The following PRTG variants were observed in gnomAD, a reference collection of about 807,000 sequenced individuals.
PRTG encodes the protein immunoglobulin superfamily, DCC subclass, member 5.
A neutral mutation model predicts 122.5 loss-of-function variants in PRTG; 67 were observed. That is an observed-to-expected ratio of 0.55 (90% CI 0.45 to 0.67). The LOEUF (loss-of-function observed/expected upper bound fraction) is 0.67, where lower values mean the gene tolerates loss of function less well. Among genes scored for constraint, PRTG ranks in the 30% least tolerant of loss-of-function variants. The probability of loss-of-function intolerance (pLI) is 0.00; values close to 1 mark genes in which losing one functional copy is unlikely to be tolerated. For synonymous variants in PRTG, 554 were observed against 501.1 expected (o/e 1.11, Z -1.41); for missense variants, 1,435 against 1,415.4 (o/e 1.01, Z -0.22).
rs1348403009 is a variant in PRTG at position 55,617,550 on chromosome 15, AT to A, written c.*2461del. On this transcript the variant is annotated 3_prime_UTR_variant, in exon 20 of 20. Transcript: ENST00000389286. ...ATCAAAATTTTATTTTCTACTGAAA[AT>A]TCTTTGGTAACAGAATTATTATGAA... 6.6e-6 allele frequency: 1 copy of A among 152,120 alleles called. No homozygotes were observed. The highest frequency in any genetic ancestry group is 2.4e-5 in the African/African-American group (1 of 41,452). 9.4% of individuals were successfully genotyped at this position (152,120 alleles called of 1,614,324 possible).
intron 11 of PRTG, among the ~76,000 whole-genome samples, chr15:55,651,426 T>G (rs889197082): frequency 1.3e-5 from 2 of 152,148 alleles, no homozygotes. Context: ...TGCTTTACTC[T>G]TACACTTCAA....
intron 16 of PRTG, 21 bp from the exon 17 acceptor site, chr15:55,627,149 A>C: frequency 6.5e-7 from 1 of 1,526,962 alleles, no homozygotes; most frequent in Non-Finnish European, 8.9e-7. Context: ...AAACACATTT[A>C]CTCAGAATCA....
At chr15:55,669,209 G>C (rs533304318) in intron 11 of PRTG, among the ~76,000 whole-genome samples, 4 of 151,916 alleles carry the variant, frequency 2.6e-5, no homozygotes, top group Non-Finnish European at 5.9e-5. Flanking sequence ...AAGGGGATTA[G>C]TATGAAAATG....
rs1275344241 is a variant in PRTG, at chr15:55,686,830, A to G, written c.398-2899T>C. On this transcript the variant is annotated intron_variant, in intron 2 of 19. Coordinates refer to ENST00000389286, the MANE Select transcript of PRTG (RefSeq NM_173814.6). ...ATGTGAACATTTCCTTCTCTTGCTA[A>G]TAACATTGGTCCCTTTGTCCACCTG... 3.3e-5 allele frequency among the ~76,000 whole-genome samples: 5 copies of G among 152,204 alleles called. No individual in the cohort carries two copies. In the East Asian group the frequency reaches 5.8e-4, roughly 18 times the overall value.
intron 12 of PRTG, chr15:55,640,141 C>T (rs1322926461): frequency 1.1e-5 from 2 of 175,140 alleles, no homozygotes; most frequent in Non-Finnish European, 2.2e-5. Context: ...GATGGTATAG[C>T]CTACTGCACA....
intron 2 of PRTG, chr15:55,738,407 T>G: frequency 1.5e-6 from 1 of 684,542 alleles, no homozygotes; most frequent in Non-Finnish European, 2.6e-6. Context: ...TCTATCAGGC[T>G]TCTCAGGAGG....
chr15:55,627,492 G>GTTTTT (rs35022592), intron 16 of PRTG, among the ~76,000 whole-genome samples: 17 of 104,774 alleles, frequency 1.6e-4, no homozygotes, highest in Non-Finnish European at 2.0e-4. Flanking sequence ...GCCCAGCTAA[G>GTTTTT]TTTTTTTTTT....
chr15:55,656,656 C>T (rs554504876), intron 11 of PRTG, among the ~76,000 whole-genome samples: 83 of 152,214 alleles, frequency 5.5e-4, no homozygotes, highest in African/African-American at 1.8e-3. Context: ...TACAGGCTCC[C>T]GCCACCATGC....
At chr15:55,632,193 C>T (rs555273399) in intron 15 of PRTG, among the ~76,000 whole-genome samples, 30 of 152,326 alleles carry the variant, frequency 2.0e-4, no homozygotes, top group Admixed American at 1.8e-3. Context: ...TCAAATTTCA[C>T]ACTTTCAAAA....
chr15:55,723,623 T>C (rs1414304499), intron 2 of PRTG, among the ~76,000 whole-genome samples: 1 of 151,982 alleles, frequency 6.6e-6, no homozygotes, highest in African/African-American at 2.4e-5. Flanking sequence ...GAGATCCACA[T>C]AGAAATACAT....
chr15:55,636,526 C>T (rs2059258626), intron 15 of PRTG, among the ~76,000 whole-genome samples: 1 of 152,154 alleles, frequency 6.6e-6, no homozygotes, highest in Admixed American at 6.5e-5. Context: ...CCATCCTATC[C>T]TTTCCATCTT....
chr15:55,639,719 A>G lies in PRTG; in HGVS notation c.2247T>C (p.Ala749=), dbSNP rs1355782788. 5 of 1,614,096 alleles carry G rather than the reference A, an allele frequency of 3.1e-6. No individual in the cohort carries two copies. The African/African-American group carries it at 5.3e-5, about 17-fold the overall frequency. Residue 749 remains alanine (A), a synonymous_variant, in exon 13 of 20, where the codon GCT becomes GCC. Coordinates refer to ENST00000389286, the MANE Select transcript of PRTG (RefSeq NM_173814.6). The stretch of plus-strand genomic sequence containing the variant: ...GGATGGTGTAGTTAATGATTTGTGC[A>G]GCGGTGAATGCAGGCCTCCTCCAGT... ...FLHWRRPAFT[A]AQIINYTIRC... is the part of the protein sequence containing the mutation.
intron 11 of PRTG, among the ~76,000 whole-genome samples, chr15:55,654,333 T>C (rs955540717): frequency 5.9e-5 from 9 of 152,188 alleles, no homozygotes; most frequent in African/African-American, 2.2e-4. Context: ...TAGTTGTATA[T>C]GAACCATATT....
At chr15:55,727,040 T>A (rs1460141513) in intron 2 of PRTG, among the ~76,000 whole-genome samples, 1 of 151,460 alleles carries the variant, frequency 6.6e-6, no homozygotes, top group Non-Finnish European at 1.5e-5. Flanking sequence ...CTGGTGGCTA[T>A]AAACATATTT....
intron 2 of PRTG, among the ~76,000 whole-genome samples, chr15:55,700,043 A>G (rs956508633): frequency 6.6e-6 from 1 of 152,228 alleles, no homozygotes; most frequent in Non-Finnish European, 1.5e-5. Flanking sequence ...TTCAAGAATT[A>G]AAATGATTTC....
In PRTG at chr15:55,624,466, T is replaced by G; in HGVS notation, c.2969A>C (p.Gln990Pro). The G allele has an allele frequency of 6.2e-7, 1 of 1,614,058 alleles. No individual in the cohort carries two copies. The highest frequency in any genetic ancestry group is 8.5e-7 in the Non-Finnish European group (1 of 1,179,926). ...TAAGGAGGCACTGGTACGAGGTAACTGTTGAGTTCCATTCTGTGCCGTCTT... is the reference window on the plus strand; with the variant it reads ...TAAGGAGGCACTGGTACGAGGTAACGGTTGAGTTCCATTCTGTGCCGTCTT... ...ASKTAQNGTQQLPRTSASLAS... is the reference protein window; with the variant it reads ...ASKTAQNGTQPLPRTSASLAS... The change falls in exon 18 of 20, where the codon CAG (glutamine) becomes CCG (proline). Residue 990 changes from glutamine (Q) to proline (P), a missense_variant. Physicochemically the swap from Gln to Pro is moderately conservative, Grantham distance 76. Coordinates refer to ENST00000389286, the MANE Select transcript of PRTG (RefSeq NM_173814.6).
rs1367505022 is a variant in PRTG, at chr15:55,685,333, A to C, written c.398-1402T>G. Among the ~76,000 whole-genome samples the C allele has an allele frequency of 2.0e-5, 3 of 152,306 alleles. No individual in the cohort carries two copies. In the South Asian group the frequency reaches 6.2e-4, roughly 32 times the overall value. ...GGACAAGGCCAGCAAATAATGGTGA[A>C]AATATTCTTAGGAGGATGGACTTCC... On this transcript the variant is annotated intron_variant, in intron 2 of 19. Transcript: ENST00000389286.
rs1356423337 is a variant in PRTG at position 55,611,911 on chromosome 15, C to T, written c.*8101G>A. On this transcript the variant is annotated 3_prime_UTR_variant, in exon 20 of 20. Transcript: ENST00000389286. ...CCATTAGCAAGTCTACAAATGCTGC[C>T]CTTACAAGAAAATGGTATACGGAGT... 3 of 152,018 alleles carry T rather than the reference C, an allele frequency of 2.0e-5. No individual in the cohort carries two copies. Among genetic ancestry groups the T allele is most frequent in the Admixed American group, 6.6e-5 (1 of 15,262 alleles). 9.4% of individuals were successfully genotyped at this position (152,018 alleles called of 1,614,324 possible). A position where few individuals can be genotyped will look rare whatever the true frequency, so the allele number is the denominator to read the frequency against.
chr15:55,670,140 G>T (rs963644835), intron 11 of PRTG, among the ~76,000 whole-genome samples: 1 of 151,954 alleles, frequency 6.6e-6, no homozygotes, highest in African/African-American at 2.4e-5. Flanking sequence ...ACATACATGC[G>T]TGTGTGTGTA....
Sources: allele counts gnomAD v4.1 joint callset (sites outside exome capture counted in the v4.1 genomes callset), GRCh38; gene constraint gnomAD v4.1.1; transcripts MANE v1.5; gene names NCBI Gene and HGNC (gene_info 2026-07-23, HGNC 2026-07-21).